Variants in AGTPBP1 observed in about 807,000 individuals in gnomAD.
AGTPBP1 encodes the protein cytosolic carboxypeptidase 1.
AGTPBP1 carries 70 observed loss-of-function variants against 143.9 expected under a neutral mutation model. That is an observed-to-expected ratio of 0.49 (90% CI 0.40 to 0.59). AGTPBP1 has a LOEUF of 0.59. AGTPBP1 is among the 20% of genes least tolerant of loss of function. The pLI is 0.00. For synonymous variants in AGTPBP1, 463 were observed against 500.2 expected (o/e 0.93, Z 0.99); for missense variants, 1,229 against 1,464.5 (o/e 0.84, Z 2.62).
At position 85,578,974 on chromosome 9, in the gene AGTPBP1, T is replaced by C; in HGVS notation, c.3288A>G (p.Gln1096=). 1.2e-6 allele frequency: 2 copies of C among 1,613,538 alleles called. No individual in the cohort carries two copies. The highest frequency in any genetic ancestry group is 1.7e-6 in the Non-Finnish European group (2 of 1,179,810). Residue 1096 remains glutamine (Q), a synonymous_variant, in exon 24 of 26, where the codon CAA becomes CAG. Transcript: ENST00000357081. Reference sequence around the variant, plus strand: ...AAGTACTCTCCATGGTATAACTTCTTTGTACTCCTATTTCCCTCCAAACTA... The same window carrying C: ...AAGTACTCTCCATGGTATAACTTCTCTGTACTCCTATTTCCCTCCAAACTA... ...RVVVWREIGV[Q]RSYTMESTLC...
rs62570655 is a variant in AGTPBP1, at chr9:85,741,762, G to A, written c.-34+13C>T. 24,874 of 1,324,038 alleles carry A rather than the reference G, an allele frequency of 0.019. 283 individuals carry two copies. Among genetic ancestry groups the A allele is most frequent in the Middle Eastern group, 0.031 (108 of 3,526 alleles). The allele number at this position is 1,324,038 out of a possible 1,614,324, so 82.0% of individuals were successfully genotyped here. ...GGCCGGCCGGGACATGAGGACTGCA[G>A]CAGGGCGCTCACCGGCTCAGGATGG... On this transcript the variant is annotated intron_variant, in intron 1 of 25. Coordinates refer to ENST00000357081, the MANE Select transcript of AGTPBP1 (RefSeq NM_001330701.2).
rs191291797 is a variant in AGTPBP1, at chr9:85,723,298, C to T, written c.-33-10732G>A. 4.6e-5 allele frequency among the ~76,000 whole-genome samples: 7 copies of T among 152,316 alleles called. No individual in the cohort carries two copies. The East Asian group carries it at 1.4e-3, about 29-fold the overall frequency. On this transcript the variant is annotated intron_variant, in intron 1 of 25. Transcript: ENST00000357081. ...TGCCCAGAAGTGGAATCTAGAAAGG[C>T]AGTAGGCCTTGCTGAGCTATGGTGG...
chr9:85,599,056 T>G (rs1046375573), intron 17 of AGTPBP1, among the ~76,000 whole-genome samples: 16 of 151,936 alleles, frequency 1.1e-4, no homozygotes, highest in African/African-American at 3.4e-4. Flanking sequence ...TTGCTTTATT[T>G]TAATTTCATT....
intron 18 of AGTPBP1, among the ~76,000 whole-genome samples, chr9:85,593,943 C>T (rs1347070038): frequency 6.6e-6 from 1 of 152,024 alleles, no homozygotes; most frequent in Non-Finnish European, 1.5e-5. Context: ...AAAACCAGGG[C>T]CTATACGTTA....
chr9:85,563,090 G>C (rs1277153333), intron 25 of AGTPBP1, among the ~76,000 whole-genome samples: 2 of 152,196 alleles, frequency 1.3e-5, no homozygotes, highest in African/African-American at 4.8e-5. Context: ...CTCCAGAACT[G>C]TAAGAAATAG....
intron 13 of AGTPBP1, among the ~76,000 whole-genome samples, chr9:85,633,887 G>GA (rs755544610): frequency 0.1 from 14,093 of 135,582 alleles, 889 homozygotes; most frequent in Non-Finnish European, 0.15. Context: ...AAGCTCTACA[G>GA]AAAAAAAAAA....
chr9:85,693,176 C>G (rs935667865), intron 2 of AGTPBP1, among the ~76,000 whole-genome samples: 62 of 152,226 alleles, frequency 4.1e-4, no homozygotes, highest in African/African-American at 1.4e-3. Context: ...CGACTCCATT[C>G]TCAGTTAGTG....
rs147101043 is a variant in AGTPBP1, at chr9:85,719,816, T to A, written c.-33-7250A>T. 2.8e-3 allele frequency among the ~76,000 whole-genome samples: 424 copies of A among 152,338 alleles called. 4 individuals carry two copies. The highest frequency in any genetic ancestry group is 0.016 in the East Asian group (81 of 5,186). On this transcript the variant is annotated intron_variant, in intron 1 of 25. Transcript: ENST00000357081. ...GTGGGTCTGTCATAAATAGCTCTTA[T>A]TATTTTGAGATACATTCCATCAATA...
chr9:85,673,153 C>A (rs1834596990), intron 6 of AGTPBP1, among the ~76,000 whole-genome samples: 1 of 152,008 alleles, frequency 6.6e-6, no homozygotes, highest in Non-Finnish European at 1.5e-5. Flanking sequence ...AAATTATAAT[C>A]CTTTTTTGTA....
At chr9:85,769,290 T>C in the AGTPBP1 span, among the ~76,000 whole-genome samples, 2 of 152,106 alleles carry the variant, frequency 1.3e-5, no homozygotes, top group African/African-American at 2.4e-5. Flanking sequence ...GCCTCCACGA[T>C]AGGTATGGGT....
chr9:85,665,145 T>C (rs1834057237), intron 8 of AGTPBP1, among the ~76,000 whole-genome samples: 2 of 152,148 alleles, frequency 1.3e-5, no homozygotes, highest in South Asian at 2.1e-4. Context: ...TTGGAAAACA[T>C]GGTCATTGCA....
intron 3 of AGTPBP1, among the ~76,000 whole-genome samples, chr9:85,682,711 G>C (rs1392547323): frequency 6.6e-6 from 1 of 152,188 alleles, no homozygotes; most frequent in East Asian, 1.9e-4. Flanking sequence ...GGGAGTTTAA[G>C]AGAAGAACAA....
chr9:85,668,780 A>G (rs1446779646), intron 8 of AGTPBP1, among the ~76,000 whole-genome samples: 1 of 151,606 alleles, frequency 6.6e-6, no homozygotes, highest in Non-Finnish European at 1.5e-5. Flanking sequence ...ATATAACTCA[A>G]TATAATCAGT....
chr9:85,691,959 T>C (rs900284200), intron 3 of AGTPBP1, among the ~76,000 whole-genome samples: 1 of 152,170 alleles, frequency 6.6e-6, no homozygotes, highest in Non-Finnish European at 1.5e-5. Context: ...TGATATTCGT[T>C]ACCTCTACTT....
intron 17 of AGTPBP1, among the ~76,000 whole-genome samples, chr9:85,598,663 G>A (rs1829451823): frequency 6.6e-6 from 1 of 152,062 alleles, no homozygotes; most frequent in South Asian, 2.1e-4. Flanking sequence ...CAAAATATCT[G>A]TCTTTATGCA....
intron 19 of AGTPBP1, among the ~76,000 whole-genome samples, chr9:85,592,047 T>C (rs1342560559): frequency 6.6e-6 from 1 of 152,152 alleles, no homozygotes; most frequent in Non-Finnish European, 1.5e-5. Flanking sequence ...TAGGTCTCCA[T>C]AATAAAACCA....
chr9:85,587,079 T>G (rs996443071), intron 21 of AGTPBP1, 119 bp from the exon 22 acceptor site: 1 of 1,254,492 alleles, frequency 8.0e-7, no homozygotes, highest in African/African-American at 1.5e-5. Context: ...CACTAAGCAT[T>G]TCAAATAGGT....
intron 6 of AGTPBP1, among the ~76,000 whole-genome samples, chr9:85,676,857 T>C (rs1056705871): frequency 6.6e-6 from 1 of 152,068 alleles, no homozygotes; most frequent in Admixed American, 6.6e-5. Context: ...TATTCAACCA[T>C]AAAAAAATGA....
chr9:85,698,746 G>A (rs1836447642), intron 2 of AGTPBP1, among the ~76,000 whole-genome samples: 1 of 128,898 alleles, frequency 7.8e-6, no homozygotes, highest in Non-Finnish European at 1.5e-5. Flanking sequence ...AGGCTGGAGT[G>A]CAGTGGCGCG....
Sources: gnomAD v4.1 joint callset for allele counts (sites outside exome capture counted in the v4.1 genomes callset) on GRCh38, gnomAD v4.1.1 for gene constraint, MANE v1.5 for transcripts, NCBI Gene and HGNC (gene_info 2026-07-23, HGNC 2026-07-21) for gene names.